RIT2: variants seen among roughly 807,000 people sequenced by gnomAD.
RIT2 encodes Ras like without CAAX 2.
RIT2 carries 24 observed loss-of-function variants against 23.7 expected under a neutral mutation model. The observed-to-expected ratio is 1.01, with a 90% CI of 0.73 to 1.43. RIT2 has a LOEUF of 1.43. Ranked by LOEUF, RIT2 falls within the 40% of genes most tolerant of loss-of-function variation. RIT2 has a pLI of 0.00. For synonymous variants in RIT2, 107 were observed against 91.1 expected, an observed-to-expected ratio of 1.17 and a Z score of -0.99; for missense variants, 236 against 266.9, an observed-to-expected ratio of 0.88 and a Z score of 0.81.
chr18:42,755,120 C>A (rs1438621401), intron 4 of RIT2, among the ~76,000 whole-genome samples: 1 of 152,062 alleles, frequency 6.6e-6, no homozygotes, highest in Non-Finnish European at 1.5e-5. Context: ...TGTGTACTCC[C>A]AATAAATATG....
intron 1 of RIT2, among the ~76,000 whole-genome samples, chr18:43,078,376 G>C (rs7241180): frequency 0.93 from 141,688 of 152,218 alleles, 66,728 homozygotes; most frequent in East Asian, 1. Flanking sequence ...CTACATAGTT[G>C]CTTCCAGCTA....
At chr18:42,874,694 C>A (rs1907701112) in intron 4 of RIT2, among the ~76,000 whole-genome samples, 1 of 152,212 alleles carries the variant, frequency 6.6e-6, no homozygotes, top group African/African-American at 2.4e-5. Context: ...GAATCTTCAT[C>A]ATATCATGTT....
At chr18:43,062,098 C>A (rs1335349736) in intron 1 of RIT2, among the ~76,000 whole-genome samples, 1 of 151,992 alleles carries the variant, frequency 6.6e-6, no homozygotes. Flanking sequence ...AAGCTCCTGG[C>A]ACTACTTTCC....
chr18:42,959,049 T>A (rs749582279), intron 3 of RIT2, among the ~76,000 whole-genome samples: 31 of 152,192 alleles, frequency 2.0e-4, no homozygotes, highest in Middle Eastern at 3.2e-3. Context: ...CTATGCACAG[T>A]TGCAATTGGA....
At position 42,923,554 on chromosome 18, in the gene RIT2, G is replaced by A; in HGVS notation, c.426+18C>T. 6.2e-7 allele frequency: 1 copy of A among 1,607,860 alleles called. No individual in the cohort carries two copies. The highest frequency in any genetic ancestry group is 2.2e-5 in the East Asian group (1 of 44,778). On this transcript the variant is annotated intron_variant, in intron 4 of 4. Coordinates refer to ENST00000326695, the MANE Select transcript of RIT2 (RefSeq NM_002930.4). ...TCAGAGCAAAAGACAGAAGCTACCAGATAAAATCGGCACTCACCTGGCGGA... is the reference window on the plus strand; with the variant it reads ...TCAGAGCAAAAGACAGAAGCTACCAAATAAAATCGGCACTCACCTGGCGGA...
chr18:43,054,495 AATT>A (rs570600020), intron 1 of RIT2, among the ~76,000 whole-genome samples: 103 of 152,192 alleles, frequency 6.8e-4, no homozygotes, highest in African/African-American at 2.4e-3. Context: ...ATTGAAGCAT[AATT>A]ACACACCAGA....
chr18:42,788,555 T>C (rs1389622011), intron 4 of RIT2, among the ~76,000 whole-genome samples: 1 of 152,202 alleles, frequency 6.6e-6, no homozygotes, highest in East Asian at 1.9e-4. Context: ...CAAGTGAATG[T>C]TGATGTATTT....
intron 3 of RIT2, among the ~76,000 whole-genome samples, chr18:42,972,650 C>T (rs1358148132): frequency 6.6e-6 from 1 of 151,596 alleles, no homozygotes; most frequent in Non-Finnish European, 1.5e-5. Flanking sequence ...CCCCTTTCTC[C>T]CATAAGAGGT....
At chr18:43,045,821 T>A (rs1912234413) in intron 1 of RIT2, among the ~76,000 whole-genome samples, 1 of 152,048 alleles carries the variant, frequency 6.6e-6, no homozygotes, top group Non-Finnish European at 1.5e-5. Flanking sequence ...TTAGCTTCCC[T>A]CAGCTTCCAT....
chr18:43,072,700 T>C (rs1912925989), intron 1 of RIT2, among the ~76,000 whole-genome samples: 1 of 152,204 alleles, frequency 6.6e-6, no homozygotes, highest in African/African-American at 2.4e-5. Context: ...TCTTGCCGTC[T>C]GTACTCTGCA....
At chr18:42,880,562 T>A (rs192361989) in intron 4 of RIT2, among the ~76,000 whole-genome samples, 1 of 152,242 alleles carries the variant, frequency 6.6e-6, no homozygotes, top group East Asian at 1.9e-4. Context: ...GTATGTAATT[T>A]TTCTCATTTT....
intron 4 of RIT2, among the ~76,000 whole-genome samples, chr18:42,770,125 C>T (rs750898736): frequency 2.6e-5 from 4 of 151,800 alleles, no homozygotes; most frequent in East Asian, 3.9e-4. Context: ...GGGGCATACA[C>T]GGAGGAAAGG....
At chr18:42,954,149 A>C (rs1909916334) in intron 3 of RIT2, among the ~76,000 whole-genome samples, 1 of 152,026 alleles carries the variant, frequency 6.6e-6, no homozygotes, top group Admixed American at 6.6e-5. Context: ...AGGCCGAGGC[A>C]GGCAGGTCAC....
chr18:43,114,659 T>A (rs1162070050), intron 1 of RIT2, among the ~76,000 whole-genome samples: 1 of 152,184 alleles, frequency 6.6e-6, no homozygotes, highest in African/African-American at 2.4e-5. Flanking sequence ...CTACTATGTA[T>A]CTATTTTTTT....
intron 1 of RIT2, among the ~76,000 whole-genome samples, chr18:43,110,077 A>G (rs138912932): frequency 0.019 from 2,846 of 152,256 alleles, 37 homozygotes; most frequent in Middle Eastern, 0.027. Context: ...TTGTGATCAA[A>G]TAAGATCATA....
chr18:42,974,888 G>A (rs1322071919), intron 2 of RIT2, among the ~76,000 whole-genome samples: 1 of 152,054 alleles, frequency 6.6e-6, no homozygotes, highest in African/African-American at 2.4e-5. Flanking sequence ...ATGTTGCTGA[G>A]AGAAATTAAA....
chr18:42,966,260 C>A (rs1404337331), intron 3 of RIT2, among the ~76,000 whole-genome samples: 2 of 152,044 alleles, frequency 1.3e-5, no homozygotes, highest in Non-Finnish European at 2.9e-5. Context: ...CTTTCATTGT[C>A]CAACACAAAA....
intron 4 of RIT2, among the ~76,000 whole-genome samples, chr18:42,898,458 G>A (rs1254912533): frequency 6.6e-6 from 1 of 152,036 alleles, no homozygotes; most frequent in African/African-American, 2.4e-5. Context: ...AAAGATTACA[G>A]GTTTAAACAT....
intron 4 of RIT2, among the ~76,000 whole-genome samples, chr18:42,775,845 A>G (rs1173312462): frequency 2.2e-5 from 3 of 137,038 alleles, no homozygotes; most frequent in Non-Finnish European, 4.9e-5. Context: ...GGCAGAAGAA[A>G]CTAACACACA....
Sources: allele counts gnomAD v4.1 joint callset (sites outside exome capture counted in the v4.1 genomes callset), GRCh38; gene constraint gnomAD v4.1.1; transcripts MANE v1.5; gene names NCBI Gene and HGNC (gene_info 2026-07-23, HGNC 2026-07-21).